The following ASH1L variants were observed in gnomAD, a reference collection of about 807,000 sequenced individuals.
The protein encoded by ASH1L is ASH1 like histone lysine methyltransferase.
ASH1L carries 23 observed loss-of-function variants against 269.0 expected under a neutral mutation model. The observed-to-expected ratio is 0.09, with a 90% CI of 0.06 to 0.12. The LOEUF (loss-of-function observed/expected upper bound fraction) is 0.12, where lower values mean the gene tolerates loss of function less well. Among genes scored for constraint, ASH1L ranks in the 10% least tolerant of loss-of-function variants. The pLI, the probability that ASH1L is intolerant of heterozygous loss-of-function variation, is 1.00. For synonymous variants in ASH1L, 1,187 were observed against 1,253.5 expected (o/e 0.95, Z 1.12); for missense variants, 2,912 against 3,567.8 (o/e 0.82, Z 4.68).
chr1:155,465,478 G>A (rs1488141415), intron 3 of ASH1L, among the ~76,000 whole-genome samples: 2 of 152,104 alleles, frequency 1.3e-5, no homozygotes, highest in Non-Finnish European at 2.9e-5. Context: ...TGGAATGTTT[G>A]ATGTTTGCAA....
intron 1 of ASH1L, among the ~76,000 whole-genome samples, chr1:155,550,237 C>T (rs1251350793): frequency 1.3e-5 from 2 of 152,156 alleles, no homozygotes; most frequent in Non-Finnish European, 2.9e-5. Context: ...TCAGGCTGGT[C>T]TCAAACTCCT....
Position 155,438,368 on chromosome 1 carries a change from C to A in ASH1L, c.5787G>T (p.Gln1929His). The change falls in exon 5 of 28, where the codon CAG (glutamine) becomes CAT (histidine). Residue 1929 changes from glutamine (Q) to histidine (H), a missense_variant. By Grantham distance (24) the Gln-to-His change is conservative (BLOSUM62 0). This residue lies in a region of ASH1L where 789 missense variants were observed against 897.6 expected (regional missense o/e 0.88). Coordinates refer to ENST00000392403, the MANE Select transcript of ASH1L (RefSeq NM_018489.3). ...GCTCTTCTTCCTCTGGTAATGGCTT[C>A]TGCTTTTTTCTGGTCTGTTCTTCCA... ...WLLEEQTRKK[Q>H]KPLPEEEEQE... 1 of 1,590,616 alleles carries A rather than the reference C, an allele frequency of 6.3e-7. No homozygotes were observed. The highest frequency in any genetic ancestry group is 8.5e-7 in the Non-Finnish European group (1 of 1,172,210).
chr1:155,501,731 C>T (rs770375361), intron 2 of ASH1L, among the ~76,000 whole-genome samples: 4 of 152,338 alleles, frequency 2.6e-5, no homozygotes, highest in East Asian at 1.9e-4. Flanking sequence ...GGCGCAATCT[C>T]GGCTCACTGC....
Position 155,521,019 on chromosome 1 carries a change from G to A in ASH1L, c.420+81C>T, listed in dbSNP as rs183671594. The A allele has an allele frequency of 3.8e-4, 523 of 1,388,280 alleles. 1 individual carries two copies. The African/African-American group carries it at 5.6e-3, about 15-fold the overall frequency. 86.0% of individuals were successfully genotyped at this position (1,388,280 alleles called of 1,614,324 possible). On this transcript the variant is annotated intron_variant, in intron 2 of 27. Coordinates refer to ENST00000392403, the MANE Select transcript of ASH1L (RefSeq NM_018489.3). ...TAACATAGATTAAAATCAAACTCCC[G>A]GAAATACATATATAGGATAAAAATT...
intron 2 of ASH1L, among the ~76,000 whole-genome samples, chr1:155,507,705 C>T (rs1667905431): frequency 6.6e-6 from 1 of 152,128 alleles, no homozygotes; most frequent in African/African-American, 2.4e-5. Context: ...GACACTGTCT[C>T]TATAAAAAAT....
At chr1:155,410,553 CT>C (rs200271567) in intron 6 of ASH1L, among the ~76,000 whole-genome samples, 1 of 134,094 alleles carries the variant, frequency 7.5e-6, no homozygotes, top group Non-Finnish European at 1.6e-5. Flanking sequence ...GTCTGCCTGC[CT>C]TGCCTTCCAA....
intron 1 of ASH1L, among the ~76,000 whole-genome samples, chr1:155,528,247 G>C (rs1249560826): frequency 1.3e-5 from 2 of 152,098 alleles, no homozygotes; most frequent in Non-Finnish European, 2.9e-5. Context: ...ATTCCAAAGA[G>C]AAATATTTAG....
chr1:155,401,509 C>CGGT (rs1203591094), intron 6 of ASH1L, among the ~76,000 whole-genome samples: 1 of 147,034 alleles, frequency 6.8e-6, no homozygotes, highest in Non-Finnish European at 1.5e-5. Flanking sequence ...TGGTAGGGCA[C>CGGT]GGTGGCTCAC....
rs888228553 is a variant in ASH1L, at chr1:155,345,742, G to A, written c.7890+641C>T. On this transcript the variant is annotated intron_variant, in intron 21 of 27. Coordinates refer to ENST00000392403, the MANE Select transcript of ASH1L (RefSeq NM_018489.3). ...GGCACCTGCCACTGTGCCTGGCTAAGTTTTGAATTTTTAGTAGAGACAGGG... is the reference window on the plus strand; with the variant it reads ...GGCACCTGCCACTGTGCCTGGCTAAATTTTGAATTTTTAGTAGAGACAGGG... Among the ~76,000 whole-genome samples, 3 of 146,906 alleles carry A rather than the reference G, an allele frequency of 2.0e-5. No homozygotes were observed. In the South Asian group the frequency reaches 6.6e-4, roughly 32 times the overall value.
At chr1:155,551,849 G>A (rs1342726563) in intron 1 of ASH1L, among the ~76,000 whole-genome samples, 9 of 150,606 alleles carry the variant, frequency 6.0e-5, no homozygotes, top group East Asian at 3.9e-4. Flanking sequence ...GGTGGCGGGC[G>A]CCTGTAATCC....
At position 155,343,887 on chromosome 1, in the gene ASH1L, T is replaced by TG; in HGVS notation, c.7982-146dup. 1.0e-6 allele frequency: 1 copy of TG among 963,410 alleles called. No homozygotes were observed. The highest frequency in any genetic ancestry group is 1.5e-6 in the Non-Finnish European group (1 of 661,310). The allele number at this position is 963,410 out of a possible 1,614,324, so 59.7% of individuals were successfully genotyped here. A position where few individuals can be genotyped will look rare whatever the true frequency, so the allele number is the denominator to read the frequency against. Reference sequence around the variant, plus strand: ...GAGAGCTAAAAGCAGCAGTGTTAAGTGATGATAATCAATTCTAGACTATGA... The same window carrying TG: ...GAGAGCTAAAAGCAGCAGTGTTAAGTGGATGATAATCAATTCTAGACTATGA... On this transcript the variant is annotated intron_variant, in intron 22 of 27. Coordinates refer to ENST00000392403, the MANE Select transcript of ASH1L (RefSeq NM_018489.3). The surrounding 1 kb of genome is among the most constrained non-coding windows in gnomAD (Gnocchi z 6.1).
intron 13 of ASH1L, among the ~76,000 whole-genome samples, chr1:155,357,980 A>G (rs1487072066): frequency 6.6e-6 from 1 of 152,004 alleles, no homozygotes; most frequent in Non-Finnish European, 1.5e-5. Context: ...CATGTTGACC[A>G]GGCTGGTCTC....
intron 6 of ASH1L, among the ~76,000 whole-genome samples, chr1:155,413,173 G>A (rs996585152): frequency 6.6e-6 from 1 of 151,874 alleles, no homozygotes; most frequent in Non-Finnish European, 1.5e-5. Context: ...ACAGAATGTT[G>A]ATTTTTTTTT....
intron 5 of ASH1L, among the ~76,000 whole-genome samples, chr1:155,437,337 G>C (rs746264980): frequency 1.3e-5 from 2 of 152,078 alleles, no homozygotes; most frequent in African/African-American, 4.8e-5. Flanking sequence ...GCCAATAAGC[G>C]TATGAAAATA....
chr1:155,493,443 T>C lies in ASH1L; in HGVS notation c.421-10994A>G, dbSNP rs1489129787. Among the ~76,000 whole-genome samples the C allele has an allele frequency of 2.0e-5, 3 of 152,358 alleles. No homozygotes were observed. In the East Asian group the frequency reaches 5.8e-4, roughly 29 times the overall value. On this transcript the variant is annotated intron_variant, in intron 2 of 27. Coordinates refer to ENST00000392403, the MANE Select transcript of ASH1L (RefSeq NM_018489.3). ...GTGCTGTTAAATATATTTCTAAGTA[T>C]TTCATAGATTCTGCTGTTTCTTTTA...
intron 6 of ASH1L, among the ~76,000 whole-genome samples, chr1:155,400,897 C>T (rs749705004): frequency 1.3e-5 from 2 of 152,168 alleles, no homozygotes; most frequent in Admixed American, 6.6e-5. Context: ...TGGTGGCTCA[C>T]GCCTGTAATC....
chr1:155,441,314 C>T (rs546697197), intron 4 of ASH1L, among the ~76,000 whole-genome samples: 72 of 151,750 alleles, frequency 4.7e-4, no homozygotes, highest in Non-Finnish European at 8.8e-4. Flanking sequence ...ACTCCCACCC[C>T]GGCCCCGCCA....
intron 2 of ASH1L, among the ~76,000 whole-genome samples, chr1:155,513,917 T>C (rs1290920408): frequency 1.3e-5 from 2 of 152,128 alleles, no homozygotes; most frequent in African/African-American, 2.4e-5. Flanking sequence ...GACATATCCA[T>C]AGAATGAACA....
intron 2 of ASH1L, among the ~76,000 whole-genome samples, chr1:155,517,348 G>A (rs761540741): frequency 6.6e-6 from 1 of 152,098 alleles, no homozygotes; most frequent in Non-Finnish European, 1.5e-5. Flanking sequence ...AAACAAACAG[G>A]AAGGGCACGG....
Sources: allele counts gnomAD v4.1 joint callset (sites outside exome capture counted in the v4.1 genomes callset), GRCh38; gene constraint gnomAD v4.1.1; regional missense constraint gnomAD v4.1.1; non-coding constraint Gnocchi (gnomAD v3.1); transcripts MANE v1.5; gene names NCBI Gene and HGNC (gene_info 2026-07-23, HGNC 2026-07-21).